RORA: variants seen among roughly 807,000 people sequenced by gnomAD.
The protein encoded by RORA is nuclear receptor ROR-alpha.
Under a neutral mutation model 69.5 loss-of-function variants are expected in RORA, and 7 were observed. The ratio of observed to expected loss-of-function variants is 0.10; its 90% CI spans 0.06 to 0.19. The LOEUF (loss-of-function observed/expected upper bound fraction) is 0.19, where lower values mean the gene tolerates loss of function less well. Ranked by LOEUF, RORA falls within the 10% of genes least tolerant of loss-of-function variation. RORA has a pLI of 1.00. For synonymous variants in RORA, 261 were observed against 240.8 expected, an observed-to-expected ratio of 1.08 and a Z score of -0.78; for missense variants, 457 against 663.0, an observed-to-expected ratio of 0.69 and a Z score of 3.41.
chr15:60,544,885 GGTCAAGGACAGTCCAAGGCCAA>G (rs1373235082), intron 2 of RORA: 2 of 152,216 alleles, frequency 1.3e-5, no homozygotes, highest in East Asian at 1.9e-4. Context: ...AGGTATTGGA[GGTCAAGGACAGTCCAAGGCCAA>G]GTCAAGGACC....
Position 60,490,709 on chromosome 15 carries a change from T to C in RORA, c.*6746A>G, listed in dbSNP as rs2065027792. On this transcript the variant is annotated 3_prime_UTR_variant, in exon 11 of 11. Transcript: ENST00000335670. The surrounding 1 kb of genome is among the most constrained non-coding windows in gnomAD (Gnocchi z 4.1). Reference sequence around the variant, plus strand: ...GTCTATGCACAAAAGTCATTTGTTTTATTGCTTGACATTCAGTTATGGCTA... The same window carrying C: ...GTCTATGCACAAAAGTCATTTGTTTCATTGCTTGACATTCAGTTATGGCTA... 6.6e-6 allele frequency: 1 copy of C among 152,194 alleles called. No homozygotes were observed. The allele number at this position is 152,194 out of a possible 1,614,324, so 9.4% of individuals were successfully genotyped here.
chr15:60,879,447 A>G (rs2073655036), intron 1 of RORA, among the ~76,000 whole-genome samples: 1 of 152,216 alleles, frequency 6.6e-6, no homozygotes, highest in Non-Finnish European at 1.5e-5. Flanking sequence ...TCAATGCTAG[A>G]AATATTAGCT....
At chr15:61,066,710 G>A (rs1354555615) in intron 1 of RORA, among the ~76,000 whole-genome samples, 1 of 151,800 alleles carries the variant, frequency 6.6e-6, no homozygotes. Flanking sequence ...TTACAAGCGC[G>A]AGCCACTATG....
At chr15:60,824,078 G>A (rs2072927514) in intron 1 of RORA, among the ~76,000 whole-genome samples, 1 of 152,204 alleles carries the variant, frequency 6.6e-6, no homozygotes, top group African/African-American at 2.4e-5. Flanking sequence ...CAGGCCGGTG[G>A]AATGCATGCA....
chr15:60,542,626 A>G (rs868489533), intron 2 of RORA, among the ~76,000 whole-genome samples: 32 of 115,726 alleles, frequency 2.8e-4, no homozygotes, highest in Non-Finnish European at 4.1e-4. Context: ...CACGGCACAC[A>G]TGCACACCTC....
chr15:61,096,719 T>A (rs2078795499), intron 1 of RORA, among the ~76,000 whole-genome samples: 1 of 152,136 alleles, frequency 6.6e-6, no homozygotes, highest in African/African-American at 2.4e-5. Context: ...AGGCTCCTAG[T>A]GCCTAGGGAA....
At chr15:61,050,404 A>T (rs1897239046) in intron 1 of RORA, among the ~76,000 whole-genome samples, 1 of 152,258 alleles carries the variant, frequency 6.6e-6, no homozygotes, top group Non-Finnish European at 1.5e-5. Flanking sequence ...TTTAAAGTCA[A>T]CATTGAGAAG....
At chr15:60,846,211 T>C (rs558892050) in intron 1 of RORA, among the ~76,000 whole-genome samples, 3 of 152,354 alleles carry the variant, frequency 2.0e-5, no homozygotes, top group South Asian at 4.1e-4. Context: ...CAATCGTAAG[T>C]GGCTGTCAGG....
intron 1 of RORA, among the ~76,000 whole-genome samples, chr15:60,965,746 GTTTCTTTAAT>G (rs967506043): frequency 2.6e-5 from 4 of 152,056 alleles, no homozygotes; most frequent in African/African-American, 9.7e-5. Flanking sequence ...CCAAGCACTG[GTTTCTTTAAT>G]TTTCTTTTTT....
At chr15:61,155,518 GCCCGGTTTTC>G (rs1423196528) in intron 1 of RORA, among the ~76,000 whole-genome samples, 1 of 152,160 alleles carries the variant, frequency 6.6e-6, no homozygotes. Flanking sequence ...TAGAAGAGTT[GCCCGGTTTTC>G]CCTTTTTAAA....
intron 2 of RORA, among the ~76,000 whole-genome samples, chr15:60,541,824 T>G (rs1330475625): frequency 6.6e-6 from 1 of 152,190 alleles, no homozygotes; most frequent in African/African-American, 2.4e-5. Context: ...TTTATGTAAG[T>G]CATGCACTAG....
chr15:61,169,190 A>G (rs1312224857), intron 1 of RORA, among the ~76,000 whole-genome samples: 1 of 151,950 alleles, frequency 6.6e-6, no homozygotes, highest in Non-Finnish European at 1.5e-5. Flanking sequence ...CATCTGTGGA[A>G]CTGAATGGGG....
chr15:60,743,015 TA>T (rs1165168286), intron 1 of RORA, among the ~76,000 whole-genome samples: 18 of 123,024 alleles, frequency 1.5e-4, no homozygotes, highest in African/African-American at 4.5e-4. Context: ...GCATTCATTC[TA>T]TTTTTTTTTT....
intron 2 of RORA, among the ~76,000 whole-genome samples, chr15:60,666,073 C>G (rs2070376282): frequency 6.6e-6 from 1 of 152,002 alleles, no homozygotes; most frequent in Non-Finnish European, 1.5e-5. Context: ...TGTATACACA[C>G]ACATACAGAC....
chr15:61,189,967 T>C (rs2079781894), intron 1 of RORA, among the ~76,000 whole-genome samples: 2 of 144,574 alleles, frequency 1.4e-5, no homozygotes, highest in Non-Finnish European at 1.5e-5. Flanking sequence ...TGTTTGTCAA[T>C]AGGGATGAAT....
intron 1 of RORA, among the ~76,000 whole-genome samples, chr15:60,838,662 G>A (rs1442041851): frequency 2.0e-5 from 3 of 152,196 alleles, no homozygotes; most frequent in African/African-American, 4.8e-5. Context: ...GTATCAAAAA[G>A]TGTGGCCAGT....
intron 1 of RORA, among the ~76,000 whole-genome samples, chr15:61,003,371 A>G (rs1894807945): frequency 6.6e-6 from 1 of 152,216 alleles, no homozygotes; most frequent in African/African-American, 2.4e-5. Context: ...CCAAATTCAC[A>G]CACACATATA....
chr15:60,678,621 A>C (rs1208891579), intron 2 of RORA, 36 bp downstream of exon 2: 8 of 1,541,266 alleles, frequency 5.2e-6, no homozygotes, highest in African/African-American at 1.4e-5. Context: ...CCAACTCTTC[A>C]GAAAACTTTG....
At chr15:61,032,098 T>A (rs2140444597) in intron 1 of RORA, among the ~76,000 whole-genome samples, 1 of 152,324 alleles carries the variant, frequency 6.6e-6, no homozygotes, top group East Asian at 1.9e-4. Flanking sequence ...ATTCAGCACA[T>A]GCTCTACCCA....
Sources: gnomAD v4.1 joint callset for allele counts (sites outside exome capture counted in the v4.1 genomes callset) on GRCh38, gnomAD v4.1.1 for gene constraint, Gnocchi (gnomAD v3.1) non-coding constraint, MANE v1.5 for transcripts, NCBI Gene and HGNC (gene_info 2026-07-23, HGNC 2026-07-21) for gene names.